Variants in PIP5K1B observed in about 807,000 individuals in gnomAD.
PIP5K1B encodes the protein phosphatidylinositol-4-phosphate 5-kinase type 1 beta.
In PIP5K1B, 42 loss-of-function variants were observed where a neutral mutation model predicts 67.0. The observed-to-expected ratio is 0.63, with a 90% CI of 0.49 to 0.81. The LOEUF (loss-of-function observed/expected upper bound fraction) is 0.81, where lower values mean the gene tolerates loss of function less well. PIP5K1B is among the 30% of genes least tolerant of loss of function. PIP5K1B has a pLI of 0.00. For synonymous variants in PIP5K1B, 214 were observed against 231.4 expected (o/e 0.92, Z 0.68); for missense variants, 459 against 646.3 (o/e 0.71, Z 3.14).
chr9:68,886,622 G>C (rs1466017069), intron 6 of PIP5K1B, among the ~76,000 whole-genome samples: 4 of 152,182 alleles, frequency 2.6e-5, no homozygotes, highest in African/African-American at 9.7e-5. Context: ...AGAACATCCA[G>C]GGCCAGGAAG....
At chr9:68,810,341 C>T (rs992643725) in intron 2 of PIP5K1B, among the ~76,000 whole-genome samples, 3 of 152,220 alleles carry the variant, frequency 2.0e-5, no homozygotes, top group African/African-American at 7.2e-5. Flanking sequence ...ATGGAGTTAG[C>T]GCAATTCATA....
At chr9:68,942,188 C>T (rs1479604168) in intron 14 of PIP5K1B, among the ~76,000 whole-genome samples, 1 of 152,166 alleles carries the variant, frequency 6.6e-6, no homozygotes. Context: ...AGTCAAGCAA[C>T]GGCCTTTCCT....
chr9:68,943,121 A>G (rs879936336), intron 14 of PIP5K1B, among the ~76,000 whole-genome samples: 1 of 152,124 alleles, frequency 6.6e-6, no homozygotes, highest in Non-Finnish European at 1.5e-5. Context: ...CAACTTCGCT[A>G]AAATACCCAG....
chr9:68,874,455 C>A (rs1823778741), intron 5 of PIP5K1B, among the ~76,000 whole-genome samples: 1 of 152,150 alleles, frequency 6.6e-6, no homozygotes, highest in Admixed American at 6.5e-5. Flanking sequence ...GTCTGTCTCA[C>A]CTCCAGGGAA....
chr9:68,992,029 G>A (rs12005383), intron 15 of PIP5K1B, among the ~76,000 whole-genome samples: 26 of 152,176 alleles, frequency 1.7e-4, no homozygotes, highest in African/African-American at 6.0e-4. Flanking sequence ...GCAATGGTGC[G>A]ATCTCGGCTC....
chr9:68,832,341 A>T (rs1467415763), intron 4 of PIP5K1B, among the ~76,000 whole-genome samples: 1 of 152,254 alleles, frequency 6.6e-6, no homozygotes, highest in Non-Finnish European at 1.5e-5. Context: ...AGAAAGAGTC[A>T]CAACTCAATA....
chr9:68,947,983 T>C (rs1436257656), intron 14 of PIP5K1B, among the ~76,000 whole-genome samples: 1 of 152,190 alleles, frequency 6.6e-6, no homozygotes, highest in East Asian at 1.9e-4. Flanking sequence ...CCATCACCCA[T>C]GCCCTTACAA....
At chr9:68,912,766 A>G (rs1825914660) in intron 8 of PIP5K1B, among the ~76,000 whole-genome samples, 1 of 152,194 alleles carries the variant, frequency 6.6e-6, no homozygotes, top group South Asian at 2.1e-4. Context: ...AGCTCCTGCT[A>G]GCAGTAAGAC....
chr9:68,830,773 G>A (rs1037666324), intron 4 of PIP5K1B, among the ~76,000 whole-genome samples: 15 of 152,178 alleles, frequency 9.9e-5, no homozygotes, highest in Non-Finnish European at 1.9e-4. Flanking sequence ...CAGCCAGTGG[G>A]GCCGTCTGAA....
Position 68,847,300 on chromosome 9 carries a change from G to T in PIP5K1B, c.70-16537G>T, listed in dbSNP as rs191300680. ...CGGTAAAAGATAACAACCAGATCTT[G>T]TATGCCACTGATATTTCCAGAGTAT... On this transcript the variant is annotated intron_variant, in intron 4 of 15. Coordinates refer to ENST00000265382, the MANE Select transcript of PIP5K1B (RefSeq NM_003558.4). 1.3e-3 allele frequency among the ~76,000 whole-genome samples: 193 copies of T among 151,228 alleles called. 2 individuals are homozygous for T. Among genetic ancestry groups the T allele is most frequent in the African/African-American group, 4.4e-3 (183 of 41,170 alleles).
chr9:68,937,334 C>T (rs187550639), intron 13 of PIP5K1B, among the ~76,000 whole-genome samples: 2 of 152,236 alleles, frequency 1.3e-5, no homozygotes, highest in East Asian at 3.9e-4. Context: ...CTGGTTTAGA[C>T]TTGGGAGGGT....
intron 8 of PIP5K1B, among the ~76,000 whole-genome samples, chr9:68,899,935 T>C (rs1825279160): frequency 6.6e-6 from 1 of 152,170 alleles, no homozygotes; most frequent in Admixed American, 6.6e-5. Flanking sequence ...CACCCTCAAG[T>C]AGGCCCTTGT....
At chr9:68,926,138 C>A (rs10869541) in intron 12 of PIP5K1B, among the ~76,000 whole-genome samples, 93,276 of 151,854 alleles carry the variant, frequency 0.61, 32,776 homozygotes, top group Non-Finnish European at 0.77. Flanking sequence ...TTTTCTTAGC[C>A]CTGTGCCAAG....
intron 1 of PIP5K1B, among the ~76,000 whole-genome samples, chr9:68,714,741 C>T (rs1827551853): frequency 6.6e-6 from 1 of 152,140 alleles, no homozygotes; most frequent in Non-Finnish European, 1.5e-5. Flanking sequence ...TCCTGGAGTC[C>T]AGTCAGAGGC....
chr9:68,824,409 T>G (rs962367938), intron 4 of PIP5K1B: 2 of 356,666 alleles, frequency 5.6e-6, no homozygotes, highest in Admixed American at 4.3e-5. Context: ...ATTCTATGAT[T>G]AATGTCTCCA....
chr9:68,890,881 A>T (rs896718682), intron 7 of PIP5K1B, among the ~76,000 whole-genome samples: 5 of 152,210 alleles, frequency 3.3e-5, no homozygotes, highest in African/African-American at 2.4e-5. Context: ...CATAGTTCTG[A>T]GCTCAGATAT....
chr9:69,005,881 C>CTTCTT (rs569391858), intron 15 of PIP5K1B, among the ~76,000 whole-genome samples: 16,006 of 147,096 alleles, frequency 0.11, 1,083 homozygotes, highest in East Asian at 0.36. Flanking sequence ...TCATTTCTTT[C>CTTCTT]TTTTTTTTTT....
chr9:68,796,603 A>C (rs975643943), intron 2 of PIP5K1B, among the ~76,000 whole-genome samples: 22 of 152,218 alleles, frequency 1.4e-4, no homozygotes, highest in African/African-American at 4.6e-4. Context: ...GAGAGTTTTG[A>C]TAATGTCATC....
chr9:68,903,505 G>A (rs1316794305), intron 8 of PIP5K1B, among the ~76,000 whole-genome samples: 1 of 152,174 alleles, frequency 6.6e-6, no homozygotes, highest in African/African-American at 2.4e-5. Flanking sequence ...TATTTAGGTG[G>A]CAACTGGTGT....
Sources: allele counts gnomAD v4.1 joint callset (sites outside exome capture counted in the v4.1 genomes callset), GRCh38; gene constraint gnomAD v4.1.1; transcripts MANE v1.5; gene names NCBI Gene and HGNC (gene_info 2026-07-23, HGNC 2026-07-21).